Variants in GALNTL6 observed in about 807,000 individuals in gnomAD.
GALNTL6 encodes the protein polypeptide N-acetylgalactosaminyltransferase like 6.
In GALNTL6, 46 loss-of-function variants were observed where a neutral mutation model predicts 73.7. The ratio of observed to expected loss-of-function variants is 0.62; its 90% CI spans 0.49 to 0.80. The LOEUF is 0.80. Ranked by LOEUF, GALNTL6 falls within the 30% of genes least tolerant of loss-of-function variation. The pLI is 0.00. For missense variants in GALNTL6, 604 were observed against 755.0 expected (o/e 0.80, Z 2.34); for synonymous variants, 259 against 263.7 (o/e 0.98, Z 0.17).
intron 10 of GALNTL6, among the ~76,000 whole-genome samples, chr4:172,957,177 G>A (rs1348579030): frequency 6.6e-6 from 1 of 152,088 alleles, no homozygotes; most frequent in Admixed American, 6.6e-5. Flanking sequence ...GAAGGGAGGG[G>A]GCCTGAATAA....
intron 10 of GALNTL6, 150 bp from the exon 11 acceptor site, chr4:173,009,028 C>T: frequency 1.6e-6 from 1 of 626,106 alleles, no homozygotes. Flanking sequence ...GATTTTTCTC[C>T]ATAAATTGCA....
intron 5 of GALNTL6, among the ~76,000 whole-genome samples, chr4:172,433,365 C>T (rs933392628): frequency 4.6e-5 from 7 of 152,044 alleles, no homozygotes; most frequent in African/African-American, 7.2e-5. Context: ...CTCAGCCCCC[C>T]GCCTGCTCCC....
intron 7 of GALNTL6, 21 bp downstream of exon 7, chr4:172,813,744 G>A: frequency 6.4e-7 from 1 of 1,574,022 alleles, no homozygotes; most frequent in Non-Finnish European, 8.7e-7. Flanking sequence ...GCCAAGGGAG[G>A]GGCCGAGGGG....
chr4:172,613,178 G>A (rs1379037036), intron 5 of GALNTL6, among the ~76,000 whole-genome samples: 1 of 152,100 alleles, frequency 6.6e-6, no homozygotes, highest in Non-Finnish European at 1.5e-5. Flanking sequence ...TAGATGCTGG[G>A]GGAAGGGAGG....
chr4:172,618,039 GA>G (rs1300602868), intron 5 of GALNTL6, among the ~76,000 whole-genome samples: 2 of 152,112 alleles, frequency 1.3e-5, no homozygotes, highest in African/African-American at 4.8e-5. Context: ...ATGCACAAAG[GA>G]ATGCAGTGGA....
intron 3 of GALNTL6, among the ~76,000 whole-genome samples, chr4:172,242,357 G>A (rs1388202185): frequency 6.6e-6 from 1 of 151,954 alleles, no homozygotes; most frequent in East Asian, 1.9e-4. Flanking sequence ...TATGTGTTTT[G>A]TGAAATCATT....
chr4:172,315,042 A>G (rs558930683), intron 4 of GALNTL6, among the ~76,000 whole-genome samples: 1 of 152,358 alleles, frequency 6.6e-6, no homozygotes, highest in South Asian at 2.1e-4. Flanking sequence ...GAAGGACAGT[A>G]TATTGGCATG....
At chr4:171,952,392 TA>T (rs1292638552) in intron 2 of GALNTL6, among the ~76,000 whole-genome samples, 1 of 152,024 alleles carries the variant, frequency 6.6e-6, no homozygotes, top group East Asian at 1.9e-4. Context: ...CAAATGGTTT[TA>T]AAAAATAGAA....
At chr4:173,016,930 A>G (rs1426099713) in intron 11 of GALNTL6, among the ~76,000 whole-genome samples, 20 of 152,114 alleles carry the variant, frequency 1.3e-4, no homozygotes. Flanking sequence ...AGGTAATTTG[A>G]TCATGGGGGT....
chr4:172,046,011 G>A (rs187895355), intron 2 of GALNTL6, among the ~76,000 whole-genome samples: 113 of 152,016 alleles, frequency 7.4e-4, no homozygotes, highest in Non-Finnish European at 1.1e-3. Flanking sequence ...TCCATGTCTT[G>A]CAAATAGCAT....
intron 5 of GALNTL6, among the ~76,000 whole-genome samples, chr4:172,626,700 T>C (rs1273236468): frequency 1.3e-5 from 2 of 152,116 alleles, no homozygotes; most frequent in Non-Finnish European, 2.9e-5. Context: ...GTTCTCTTTG[T>C]AGACATCTTT....
chr4:172,788,704 G>GATAC (rs1259810800), intron 5 of GALNTL6, among the ~76,000 whole-genome samples: 2 of 146,630 alleles, frequency 1.4e-5, no homozygotes, highest in Non-Finnish European at 3.0e-5. Context: ...TAGATAGATA[G>GATAC]ATACATACAT....
intron 2 of GALNTL6, among the ~76,000 whole-genome samples, chr4:171,894,983 C>T (rs1226429246): frequency 6.6e-6 from 1 of 151,988 alleles, no homozygotes; most frequent in Non-Finnish European, 1.5e-5. Context: ...CAAAACACAA[C>T]AAAAATGTGT....
At position 172,020,295 on chromosome 4, in the gene GALNTL6, G is replaced by A. The variant is rs115482012; in HGVS notation, c.138+205577G>A. ...CAAACCAAACCCAAAATTAGTAGAAGAAATAATAAAGATTACAGCAGAAAT... is the reference window on the plus strand; with the variant it reads ...CAAACCAAACCCAAAATTAGTAGAAAAAATAATAAAGATTACAGCAGAAAT... On this transcript the variant is annotated intron_variant, in intron 2 of 12. Transcript: ENST00000506823. Among the ~76,000 whole-genome samples, 1,457 of 147,752 alleles carry A rather than the reference G, an allele frequency of 9.9e-3. 26 individuals carry two copies. The highest frequency in any genetic ancestry group is 0.034 in the African/African-American group (1,359 of 40,508).
At chr4:172,294,021 C>A (rs951638482) in intron 3 of GALNTL6, among the ~76,000 whole-genome samples, 2 of 151,364 alleles carry the variant, frequency 1.3e-5, no homozygotes, top group African/African-American at 4.8e-5. Context: ...AGGATCACAG[C>A]CTCTATATTT....
intron 2 of GALNTL6, among the ~76,000 whole-genome samples, chr4:171,982,624 G>A (rs530512269): frequency 6.6e-6 from 1 of 152,246 alleles, no homozygotes; most frequent in South Asian, 2.1e-4. Flanking sequence ...GCTTCTTCCA[G>A]ACGAGCTTGT....
chr4:172,936,328 A>G (rs1748616834), intron 9 of GALNTL6, among the ~76,000 whole-genome samples: 1 of 152,190 alleles, frequency 6.6e-6, no homozygotes, highest in Admixed American at 6.5e-5. Flanking sequence ...ATATCATACT[A>G]AATGGGCAAA....
At chr4:172,836,660 C>T (rs1171771155) in intron 7 of GALNTL6, among the ~76,000 whole-genome samples, 1 of 152,202 alleles carries the variant, frequency 6.6e-6, no homozygotes, top group African/African-American at 2.4e-5. Flanking sequence ...TTTAATCAGA[C>T]ATGAATGATT....
intron 5 of GALNTL6, among the ~76,000 whole-genome samples, chr4:172,689,251 G>A (rs1365202395): frequency 6.6e-6 from 1 of 152,118 alleles, no homozygotes; most frequent in Non-Finnish European, 1.5e-5. Context: ...TATGAAAAAG[G>A]TAGACTGTAC....
Sources: gnomAD v4.1 joint callset for allele counts (sites outside exome capture counted in the v4.1 genomes callset) on GRCh38, gnomAD v4.1.1 for gene constraint, MANE v1.5 for transcripts, NCBI Gene and HGNC (gene_info 2026-07-23, HGNC 2026-07-21) for gene names.